The following MYO9A variants were observed in gnomAD, a reference collection of about 807,000 sequenced individuals.
The protein encoded by MYO9A is unconventional myosin-IXa.
A neutral mutation model predicts 293.3 loss-of-function variants in MYO9A; 103 were observed. The ratio of observed to expected loss-of-function variants is 0.35; its 90% CI spans 0.30 to 0.41. The LOEUF is 0.41. Among genes scored for constraint, MYO9A ranks in the 10% least tolerant of loss-of-function variants. The pLI, the probability that MYO9A is intolerant of heterozygous loss-of-function variation, is 1.00. For missense variants in MYO9A, 2,685 were observed against 3,033.0 expected, an observed-to-expected ratio of 0.89 and a Z score of 2.69; for synonymous variants, 1,001 against 1,035.7, an observed-to-expected ratio of 0.97 and a Z score of 0.64.
intron 32 of MYO9A, among the ~76,000 whole-genome samples, chr15:71,871,929 T>A (rs985581828): frequency 3.3e-5 from 5 of 151,756 alleles, no homozygotes; most frequent in African/African-American, 1.2e-4. Flanking sequence ...CATTTATATA[T>A]AAATGATTTT....
rs766558317 is a variant in MYO9A at position 72,019,015 on chromosome 15, G to C, written c.1155+24C>G. The C allele has an allele frequency of 7.5e-6, 12 of 1,602,128 alleles. No individual in the cohort carries two copies. The Admixed American group carries it at 2.0e-4, about 27-fold the overall frequency. On this transcript the variant is annotated intron_variant, in intron 6 of 41. Transcript: ENST00000356056. ...GTGAGGACCCTTTGACAGAAACACAGAATATTTAGGTACTTGTACTGACCG... is the reference window on the plus strand; with the variant it reads ...GTGAGGACCCTTTGACAGAAACACACAATATTTAGGTACTTGTACTGACCG...
chr15:72,086,145 C>T (rs1023350860), intron 1 of MYO9A, among the ~76,000 whole-genome samples: 14 of 152,168 alleles, frequency 9.2e-5, no homozygotes, highest in Non-Finnish European at 1.6e-4. Context: ...GAGGGGTGCA[C>T]ACTTGTCAGC....
intron 15 of MYO9A, 163 bp from the exon 16 acceptor site, chr15:71,939,090 T>C (rs1201791545): frequency 7.5e-6 from 4 of 531,904 alleles, no homozygotes; most frequent in Non-Finnish European, 9.8e-6. Context: ...CTGTCATAGA[T>C]CTTAGTTAAC....
intron 39 of MYO9A, among the ~76,000 whole-genome samples, chr15:71,846,175 T>C (rs537530010): frequency 3.3e-5 from 5 of 152,314 alleles, no homozygotes; most frequent in African/African-American, 1.2e-4. Flanking sequence ...AGAAATGAGA[T>C]AGAACTGAGT....
intron 1 of MYO9A, among the ~76,000 whole-genome samples, chr15:72,101,838 G>A (rs1380396364): frequency 1.3e-5 from 2 of 150,974 alleles, no homozygotes; most frequent in African/African-American, 4.8e-5. Context: ...CCCCCCGCCC[G>A]GCCAGCCGCC....
intron 14 of MYO9A, among the ~76,000 whole-genome samples, chr15:71,955,193 T>TCTCA (rs150550847): frequency 0.023 from 3,434 of 151,912 alleles, 120 homozygotes; most frequent in African/African-American, 0.08. Flanking sequence ...AATGGTTCAA[T>TCTCA]CTCAGCTCAC....
intron 7 of MYO9A, among the ~76,000 whole-genome samples, chr15:72,008,780 A>C (rs2077092252): frequency 6.6e-6 from 1 of 152,100 alleles, no homozygotes. Context: ...TAAACAATCC[A>C]CTGAAAAACT....
intron 39 of MYO9A, among the ~76,000 whole-genome samples, chr15:71,845,844 G>C (rs1000288191): frequency 6.6e-6 from 1 of 152,188 alleles, no homozygotes; most frequent in Non-Finnish European, 1.5e-5. Flanking sequence ...TCAAGAAAGA[G>C]TATTAGTGCA....
At chr15:71,868,308 A>C (rs1204932482) in intron 32 of MYO9A, among the ~76,000 whole-genome samples, 1 of 152,162 alleles carries the variant, frequency 6.6e-6, no homozygotes, top group East Asian at 1.9e-4. Flanking sequence ...CCATCTTCAG[A>C]GACATCAAAA....
intron 34 of MYO9A, among the ~76,000 whole-genome samples, chr15:71,856,893 ACCT>A (rs1216466470): frequency 6.6e-6 from 1 of 152,148 alleles, no homozygotes; most frequent in Non-Finnish European, 1.5e-5. Flanking sequence ...CAACAGAAAT[ACCT>A]CCTTTCTACT....
chr15:72,079,628 C>T (rs1490842696), intron 1 of MYO9A, among the ~76,000 whole-genome samples: 4 of 152,028 alleles, frequency 2.6e-5, no homozygotes, highest in South Asian at 2.1e-4. Flanking sequence ...CACTAGGAAA[C>T]GAACACTATG....
At chr15:71,993,223 G>A (rs886389020) in intron 10 of MYO9A, among the ~76,000 whole-genome samples, 41 of 151,956 alleles carry the variant, frequency 2.7e-4, no homozygotes, top group Non-Finnish European at 3.1e-4. Flanking sequence ...TGTGGCACGC[G>A]CCTATAATCC....
chr15:71,861,842 GAGGCTGGAGGGGC>G (rs1382785691), intron 33 of MYO9A, among the ~76,000 whole-genome samples: 1 of 152,104 alleles, frequency 6.6e-6, no homozygotes, highest in Non-Finnish European at 1.5e-5. Flanking sequence ...GAGAATTTCG[GAGGCTGGAGGGGC>G]GGGCGCAGTG....
intron 15 of MYO9A, among the ~76,000 whole-genome samples, chr15:71,948,918 C>A (rs1157525417): frequency 7.3e-6 from 1 of 136,352 alleles, no homozygotes; most frequent in Non-Finnish European, 1.5e-5. Flanking sequence ...ACTCAAACTG[C>A]AAATACAGAA....
chr15:71,969,239 C>T (rs2075953892), intron 12 of MYO9A, among the ~76,000 whole-genome samples: 1 of 152,162 alleles, frequency 6.6e-6, no homozygotes, highest in Admixed American at 6.5e-5. Context: ...CTGATATTTT[C>T]TTGGTCACCT....
chr15:72,097,825 G>A (rs1030002167), intron 1 of MYO9A, among the ~76,000 whole-genome samples: 33 of 152,108 alleles, frequency 2.2e-4, no homozygotes, highest in Admixed American at 3.9e-4. Flanking sequence ...CAGGAGAATC[G>A]CTTGAACCCA....
chr15:72,012,384 T>C (rs1437899370), intron 6 of MYO9A, among the ~76,000 whole-genome samples: 1 of 152,046 alleles, frequency 6.6e-6, no homozygotes. Flanking sequence ...AACCTCTGCC[T>C]CCCGGGTTCA....
intron 33 of MYO9A, 52 bp from the exon 34 acceptor site, chr15:71,859,848 TA>T: frequency 6.8e-7 from 1 of 1,471,518 alleles, no homozygotes; most frequent in South Asian, 1.2e-5. Flanking sequence ...ACATCAGTGA[TA>T]ATAACTTATC....
chr15:71,943,836 C>A (rs957333826), intron 15 of MYO9A, among the ~76,000 whole-genome samples: 1 of 152,050 alleles, frequency 6.6e-6, no homozygotes, highest in Non-Finnish European at 1.5e-5. Flanking sequence ...GAGATTCATA[C>A]GTAAAAGTCT....
Sources: allele counts gnomAD v4.1 joint callset (sites outside exome capture counted in the v4.1 genomes callset), GRCh38; gene constraint gnomAD v4.1.1; transcripts MANE v1.5; gene names NCBI Gene and HGNC (gene_info 2026-07-23, HGNC 2026-07-21).